Variants in PNLIPRP1 observed in about 807,000 individuals in gnomAD.
PNLIPRP1 encodes pancreatic lipase related protein 1.
A neutral mutation model predicts 54.6 loss-of-function variants in PNLIPRP1; 57 were observed. The ratio of observed to expected loss-of-function variants is 1.04; its 90% CI spans 0.84 to 1.30. PNLIPRP1 has a LOEUF of 1.30. PNLIPRP1 is among the 50% of genes most tolerant of loss of function. The probability of loss-of-function intolerance (pLI) is 0.00; values close to 1 mark genes in which losing one functional copy is unlikely to be tolerated. For missense variants in PNLIPRP1, 567 were observed against 568.5 expected, an observed-to-expected ratio of 1.00 and a Z score of 0.03; for synonymous variants, 232 against 208.8, an observed-to-expected ratio of 1.11 and a Z score of -0.96.
chr10:116,604,332 A>T (rs1311805563), intron 11 of PNLIPRP1, among the ~76,000 whole-genome samples, 194 bp downstream of exon 11: 1 of 152,106 alleles, frequency 6.6e-6, no homozygotes, highest in Non-Finnish European at 1.5e-5. Flanking sequence ...CCATATTTTT[A>T]CTGTACTTTT....
In PNLIPRP1 at chr10:116,597,820, T is replaced by C. The variant is rs781791846; in HGVS notation, c.575-8T>C. ...CTATTGTTCTGCAGTGCTGATCATC[T>C]CTTTTAGGGTTGGATCCTGTAGAAG... On this transcript the variant is annotated splice_region_variant and splice_polypyrimidine_tract_variant and intron_variant, in intron 6 of 12. Transcript: ENST00000358834. 1.2e-6 allele frequency: 2 copies of C among 1,614,038 alleles called. No individual in the cohort carries two copies. Among genetic ancestry groups the C allele is most frequent in the Admixed American group, 1.7e-5 (1 of 59,994 alleles).
chr10:116,601,342 A>G, intron 10 of PNLIPRP1, 141 bp downstream of exon 10: 2 of 759,938 alleles, frequency 2.6e-6, no homozygotes, highest in Non-Finnish European at 4.2e-6. Flanking sequence ...AAACTATTGC[A>G]GTTACAAGTA....
In PNLIPRP1 at chr10:116,609,040, C is replaced by A. The variant is rs782618163; in HGVS notation, c.1341-13C>A. 5 of 1,604,400 alleles carry A rather than the reference C, an allele frequency of 3.1e-6. No homozygotes were observed. ...GTGACCCAAACTCTTACAAAGCTTC[C>A]TTTTCTCCCCAGGTACAACTTCTGT... On this transcript the variant is annotated splice_polypyrimidine_tract_variant and intron_variant, in intron 12 of 12. Coordinates refer to ENST00000358834, the MANE Select transcript of PNLIPRP1 (RefSeq NM_006229.4).
rs1554864229 is a variant in PNLIPRP1 at position 116,598,141 on chromosome 10, C to T, written c.789C>T (p.Ile263=). The part of the protein sequence containing the change: ...PGCKKNALSQ[I]VDLDGIWAGT... ...GCAAGAAGAATGCCCTGTCTCAGAT[C>T]GTGGATCTAGATGGCATCTGGGCGG... is the stretch of plus-strand genomic sequence containing the variant. Residue 263 remains isoleucine, a synonymous_variant, in exon 8 of 13, where the codon ATC becomes ATT. Transcript: ENST00000358834. 3.1e-6 allele frequency: 5 copies of T among 1,613,836 alleles called. No homozygotes were observed. Among genetic ancestry groups the T allele is most frequent in the Admixed American group, 1.7e-5 (1 of 59,980 alleles).
chr10:116,594,613 T>C, intron 4 of PNLIPRP1, 117 bp from the exon 5 acceptor site: 1 of 1,099,246 alleles, frequency 9.1e-7, no homozygotes, highest in Non-Finnish European at 1.4e-6. Context: ...TAACAGAGTC[T>C]AGTTTATCTC....
At chr10:116,596,425 C>T in intron 6 of PNLIPRP1, 103 bp downstream of exon 6, 1 of 713,654 alleles carries the variant, frequency 1.4e-6, no homozygotes, top group Non-Finnish European at 2.5e-6. Flanking sequence ...AGACTGTCCC[C>T]CTTGGCTGTG....
intron 5 of PNLIPRP1, chr10:116,595,102 T>G (rs2133230010): frequency 2.0e-6 from 1 of 491,058 alleles, no homozygotes; most frequent in Non-Finnish European, 3.6e-6. Flanking sequence ...ATAAAGAAAC[T>G]GAGGCCCAGA....
intron 3 of PNLIPRP1, 154 bp from the exon 4 acceptor site, chr10:116,592,262 G>T: frequency 1.2e-6 from 1 of 809,474 alleles, no homozygotes; most frequent in East Asian, 2.6e-5. Context: ...GAGAGATGGG[G>T]CAAGAAAAGG....
chr10:116,608,538 G>C (rs1198933301), intron 12 of PNLIPRP1, among the ~76,000 whole-genome samples: 1 of 152,188 alleles, frequency 6.6e-6, no homozygotes, highest in African/African-American at 2.4e-5. Flanking sequence ...TTAATGGAGC[G>C]CCCTTTGTGC....
At chr10:116,605,969 C>A (rs1309503495) in intron 12 of PNLIPRP1, among the ~76,000 whole-genome samples, 1 of 152,156 alleles carries the variant, frequency 6.6e-6, no homozygotes, top group African/African-American at 2.4e-5. Flanking sequence ...TTACATAGGA[C>A]AAGAATGCAC....
At chr10:116,598,274 T>C (rs1263355012) in intron 8 of PNLIPRP1, 108 bp downstream of exon 8, 1 of 1,057,068 alleles carries the variant, frequency 9.5e-7, no homozygotes, top group African/African-American at 1.6e-5. Flanking sequence ...TTTAAAAATA[T>C]ACAATTCCCT....
chr10:116,608,827 C>G (rs1322155949), intron 12 of PNLIPRP1, among the ~76,000 whole-genome samples: 1 of 152,208 alleles, frequency 6.6e-6, no homozygotes, highest in African/African-American at 2.4e-5. Context: ...CACTCCAGAA[C>G]CATAGCAGAC....
At chr10:116,594,965 A>T (rs1268319431) in intron 5 of PNLIPRP1, 101 bp downstream of exon 5, 1 of 1,386,570 alleles carries the variant, frequency 7.2e-7, no homozygotes, top group African/African-American at 1.4e-5. Context: ...AAGGACAAAG[A>T]ATTGATATCC....
Position 116,601,121 on chromosome 10 carries a change from A to T in PNLIPRP1, c.983A>T (p.Tyr328Phe). The T allele has an allele frequency of 1.2e-6, 2 of 1,614,040 alleles. No homozygotes were observed. Among genetic ancestry groups the T allele is most frequent in the Non-Finnish European group, 1.7e-6 (2 of 1,179,934 alleles). ...CAAGGATGCCCACAGATGGGTCACTATGCTGATAAATTTGCTGGCAGGACA... is the reference window on the plus strand; with the variant it reads ...CAAGGATGCCCACAGATGGGTCACTTTGCTGATAAATTTGCTGGCAGGACA... ...PDQGCPQMGH[Y>F]ADKFAGRTSE... The change falls in exon 10 of 13, where the codon TAT becomes TTT. Residue 328 changes from tyrosine (Y) to phenylalanine (F), a missense_variant. Tyr to Phe is a conservative substitution (Grantham distance 22). Transcript: ENST00000358834.
rs1554864575 is a variant in PNLIPRP1 at position 116,600,155 on chromosome 10, C to T, written c.923C>T (p.Ser308Phe). 2.5e-6 allele frequency: 4 copies of T among 1,603,236 alleles called. No individual in the cohort carries two copies. In the South Asian group the frequency reaches 3.3e-5, roughly 13 times the overall value. The change falls in exon 9 of 13, where the codon TCC becomes TTC. Residue 308 changes from serine (S) to phenylalanine (F), a missense_variant. Physicochemically the swap from Ser to Phe is radical, Grantham distance 155. Coordinates refer to ENST00000358834, the MANE Select transcript of PNLIPRP1 (RefSeq NM_006229.4). ...GCATATCCCTGCACTTCCTACAAGT[C>T]CTTTGAGTCTGTAAGCTATTGTCCT... is the stretch of plus-strand genomic sequence containing the variant. The part of the protein sequence containing the change: ...FAAYPCTSYK[S>F]FESDKCFPCP...
intron 11 of PNLIPRP1, among the ~76,000 whole-genome samples, chr10:116,604,513 A>C (rs1169008880): frequency 6.6e-6 from 1 of 152,150 alleles, no homozygotes; most frequent in African/African-American, 2.4e-5. Context: ...AGTACATGCT[A>C]TGATGTCCAC....
rs1391545980 is a variant in PNLIPRP1, at chr10:116,590,996, G to A, written c.-1+1G>A. The A allele has an allele frequency of 3.0e-6, 2 of 660,136 alleles. No homozygotes were observed. The highest frequency in any genetic ancestry group is 5.4e-6 in the Non-Finnish European group (2 of 367,826). The allele number at this position is 660,136 out of a possible 1,614,324, so 40.9% of individuals were successfully genotyped here. A position where few individuals can be genotyped will look rare whatever the true frequency, so the allele number is the denominator to read the frequency against. Reference sequence around the variant, plus strand: ...GGGAACATCTGGAACATTAGACAGGGTAAGCCACCTTTGCAACTCCTTTCC... The same window carrying A: ...GGGAACATCTGGAACATTAGACAGGATAAGCCACCTTTGCAACTCCTTTCC... On this transcript the variant is annotated splice_donor_variant, in intron 1 of 12. Transcript: ENST00000358834. LOFTEE classifies it low-confidence loss of function (5UTR_SPLICE).
Position 116,596,198 on chromosome 10 carries a change from A to T in PNLIPRP1, c.466-16A>T, listed in dbSNP as rs782345238. 6.5e-7 allele frequency: 1 copy of T among 1,540,468 alleles called. No homozygotes were observed. Among genetic ancestry groups the T allele is most frequent in the Middle Eastern group, 1.7e-4 (1 of 5,914 alleles). ...ACAGCAAAAAATGTCCTGAAAATAC[A>T]ATCTTCCCTCTCCAGACAGAGTATA... On this transcript the variant is annotated splice_polypyrimidine_tract_variant and intron_variant, in intron 5 of 12. Coordinates refer to ENST00000358834, the MANE Select transcript of PNLIPRP1 (RefSeq NM_006229.4).
At chr10:116,608,231 C>T (rs1487791461) in intron 12 of PNLIPRP1, among the ~76,000 whole-genome samples, 2 of 152,138 alleles carry the variant, frequency 1.3e-5, no homozygotes, top group African/African-American at 2.4e-5. Context: ...ATTAATACCC[C>T]AATAAGGTTA....
Sources: gnomAD v4.1 joint callset for allele counts (sites outside exome capture counted in the v4.1 genomes callset) on GRCh38, gnomAD v4.1.1 for gene constraint, MANE v1.5 for transcripts, NCBI Gene and HGNC (gene_info 2026-07-23, HGNC 2026-07-21) for gene names.